Variants in MED17 observed in about 807,000 individuals in gnomAD.
MED17 encodes mediator of RNA polymerase II transcription subunit 17.
In MED17, 49 loss-of-function variants were observed where a neutral mutation model predicts 80.8. That is an observed-to-expected ratio of 0.61 (90% confidence interval 0.48 to 0.77). The LOEUF is 0.77. MED17 is among the 30% of genes least tolerant of loss of function. MED17 has a pLI of 0.00. For synonymous variants in MED17, 281 were observed against 280.4 expected (o/e 1.00, Z -0.02); for missense variants, 718 against 787.0 (o/e 0.91, Z 1.05).
rs568235455 is a variant in MED17, at chr11:93,812,130, A to G, written c.*66A>G. The G allele has an allele frequency of 1.1e-5, 15 of 1,334,680 alleles. No homozygotes were observed. The highest frequency in any genetic ancestry group is 2.1e-4 in the Middle Eastern group (1 of 4,842). The allele number at this position is 1,334,680 out of a possible 1,614,324, so 82.7% of individuals were successfully genotyped here. A position where few individuals can be genotyped will look rare whatever the true frequency, so the allele number is the denominator to read the frequency against. The stretch of plus-strand genomic sequence containing the variant: ...GACTTGAAATGTTTGCAGATCAACT[A>G]TAAGCACAAAGAAGAGATAACTTCC... On this transcript the variant is annotated 3_prime_UTR_variant, in exon 12 of 12. Coordinates refer to ENST00000251871, the MANE Select transcript of MED17 (RefSeq NM_004268.5).
Position 93,809,597 on chromosome 11 carries a change from A to G in MED17, c.1585-120A>G, listed in dbSNP as rs1175077986. On this transcript the variant is annotated intron_variant, in intron 10 of 11. Transcript: ENST00000251871. ...CGCACAGGAGGATTCCTCAGACCTAAGATAGGGTTGCTGTAGTAGTCAGTG... is the reference window on the plus strand; with the variant it reads ...CGCACAGGAGGATTCCTCAGACCTAGGATAGGGTTGCTGTAGTAGTCAGTG... The G allele has an allele frequency of 3.0e-6, 3 of 1,009,348 alleles. No homozygotes were observed. The Admixed American group carries it at 5.2e-5, about 17-fold the overall frequency. The allele number at this position is 1,009,348 out of a possible 1,614,324, so 62.5% of individuals were successfully genotyped here. A position where few individuals can be genotyped will look rare whatever the true frequency, so the allele number is the denominator to read the frequency against.
chr11:93,804,239 C>A (rs141915739), intron 9 of MED17, among the ~76,000 whole-genome samples: 1 of 152,000 alleles, frequency 6.6e-6, no homozygotes, highest in African/African-American at 2.4e-5. Flanking sequence ...GAGGCTAGGC[C>A]AGTGTCTCTT....
intron 10 of MED17, 144 bp from the exon 11 acceptor site, chr11:93,809,573 G>C: frequency 3.6e-6 from 3 of 825,100 alleles, no homozygotes; most frequent in South Asian, 1.4e-5. Context: ...CCTAAGTTAC[G>C]CACAGGAGGA....
intron 1 of MED17, 62 bp from the exon 2 acceptor site, chr11:93,787,939 C>T: frequency 7.4e-7 from 1 of 1,348,204 alleles, no homozygotes; most frequent in Non-Finnish European, 1.1e-6. Context: ...CCTAAGTGAG[C>T]TGTCTGCCAT....
intron 11 of MED17, chr11:93,811,449 T>TCA: frequency 4.8e-6 from 1 of 210,172 alleles, no homozygotes; most frequent in Non-Finnish European, 9.6e-6. Context: ...GGTGGGAGGA[T>TCA]TGCTTGAGCC....
chr11:93,799,296 C>G (rs977485665), intron 8 of MED17, among the ~76,000 whole-genome samples: 1 of 152,100 alleles, frequency 6.6e-6, no homozygotes, highest in Non-Finnish European at 1.5e-5. Context: ...CCGCCTCAGC[C>G]TCCCAAGTAT....
chr11:93,810,885 G>T (rs924766988), intron 11 of MED17: 1 of 152,222 alleles, frequency 6.6e-6, no homozygotes, highest in African/African-American at 2.4e-5. Flanking sequence ...TGAGAAATGT[G>T]TTGTTAAGAG....
In MED17 at chr11:93,788,239, C is replaced by T. The variant is rs676586; in HGVS notation, c.417+72C>T. ...CCAGGACCCTTTTTTGGCTTTGTGC[C>T]TGTTGTTCCATTTTCCTTTCTTGCA... On this transcript the variant is annotated intron_variant, in intron 2 of 11. Coordinates refer to ENST00000251871, the MANE Select transcript of MED17 (RefSeq NM_004268.5). The T allele has an allele frequency of 0.86, 1,141,173 of 1,333,866 alleles. 495,847 individuals carry two copies. The highest frequency in any genetic ancestry group is 0.89 in the Non-Finnish European group (849,855 of 956,568). The allele number at this position is 1,333,866 out of a possible 1,614,324, so 82.6% of individuals were successfully genotyped here.
Position 93,811,955 on chromosome 11 carries a change from GTCA to G in MED17, c.1850_1852del (p.His617del). On this transcript the variant is annotated inframe_deletion, in exon 12 of 12. Transcript: ENST00000251871. ...GATGTTTTACAAGATAACAAATGGA[GTCA>G]TCTTCGTGGGCCATTCAAAGAAGTT... 1 of 1,614,094 alleles carries G rather than the reference GTCA, an allele frequency of 6.2e-7. No homozygotes were observed. The highest frequency in any genetic ancestry group is 8.5e-7 in the Non-Finnish European group (1 of 1,179,994).
At chr11:93,787,180 G>A (rs1475202387) in intron 1 of MED17, among the ~76,000 whole-genome samples, 2 of 152,086 alleles carry the variant, frequency 1.3e-5, no homozygotes, top group African/African-American at 4.8e-5. Context: ...TTCGGAGGCC[G>A]GGGCAGGCAG....
At chr11:93,807,785 G>A in intron 10 of MED17, 150 bp downstream of exon 10, 1 of 697,524 alleles carries the variant, frequency 1.4e-6, no homozygotes, top group South Asian at 1.5e-5. Context: ...AATTTCTAAT[G>A]CACATTTTAC....
rs1406334398 is a variant in MED17 at position 93,811,884 on chromosome 11, T to G, written c.1776T>G (p.Ile592Met). The change falls in exon 12 of 12, where the codon ATT (isoleucine) becomes ATG (methionine). Residue 592 changes from isoleucine (I) to methionine (M), a missense_variant. Coordinates refer to ENST00000251871, the MANE Select transcript of MED17 (RefSeq NM_004268.5). ...VRNGPESGSK[I>M]MVQFPRNQCK... ...ATGGACCTGAAAGTGGCAGCAAGAT[T>G]ATGGTTCAGTTTCCTCGTAACCAAT... is the stretch of plus-strand genomic sequence containing the variant. The G allele has an allele frequency of 1.2e-6, 2 of 1,614,034 alleles. No individual in the cohort carries two copies. Among genetic ancestry groups the G allele is most frequent in the Non-Finnish European group, 1.7e-6 (2 of 1,180,016 alleles).
At chr11:93,808,952 T>C (rs552950999) in intron 10 of MED17, 1 of 153,168 alleles carries the variant, frequency 6.5e-6, no homozygotes, top group South Asian at 2.1e-4. Flanking sequence ...TTGCCCCCAT[T>C]GTATCAGTCA....
intron 10 of MED17, chr11:93,808,742 G>GA (rs1944055173): frequency 6.6e-6 from 1 of 151,872 alleles, no homozygotes; most frequent in Non-Finnish European, 1.5e-5. Context: ...ATCTAAATTG[G>GA]CTTTGGTTAC....
At chr11:93,794,345 C>A (rs1180810822) in intron 5 of MED17, 1 of 302,820 alleles carries the variant, frequency 3.3e-6, no homozygotes, top group Non-Finnish European at 6.3e-6. Flanking sequence ...GCTGGGATTA[C>A]AGGCATGCGC....
chr11:93,784,610 C>G lies in MED17; in HGVS notation c.97C>G (p.Pro33Ala). 8 of 1,601,502 alleles carry G rather than the reference C, an allele frequency of 5.0e-6. No individual in the cohort carries two copies. Among genetic ancestry groups the G allele is most frequent in the Non-Finnish European group, 6.0e-6 (7 of 1,175,332 alleles). The change falls in exon 1 of 12, where the codon CCG becomes GCG. Residue 33 changes from proline to alanine, a missense_variant. Physicochemically the swap from Pro to Ala is conservative, Grantham distance 27 (BLOSUM62 -1). Transcript: ENST00000251871. The part of the protein sequence containing the change: ...GLDGTETYLP[P>A]LSMSQNLARL... ...GGATGGCACCGAGACGTACCTGCCC[C>G]CGCTGTCCATGTCGCAGAATCTGGC...
rs771180962 is a variant in MED17, at chr11:93,787,994, T to A, written c.251-7T>A. On this transcript the variant is annotated splice_region_variant and splice_polypyrimidine_tract_variant and intron_variant, in intron 1 of 11. Coordinates refer to ENST00000251871, the MANE Select transcript of MED17 (RefSeq NM_004268.5). ...TGTATTTCTTTTTTTTCTCTCTCTCTTTTTAGGAGTGGTAAAATTTCAGCC... is the reference window on the plus strand; with the variant it reads ...TGTATTTCTTTTTTTTCTCTCTCTCATTTTAGGAGTGGTAAAATTTCAGCC... 1.2e-6 allele frequency: 2 copies of A among 1,613,188 alleles called. No homozygotes were observed. The highest frequency in any genetic ancestry group is 3.3e-5 in the Admixed American group (2 of 60,020).
rs1267468722 is a variant in MED17, at chr11:93,813,432, A to T, written c.*1368A>T. On this transcript the variant is annotated 3_prime_UTR_variant, in exon 12 of 12. Transcript: ENST00000251871. ...TGGTATGAATTTGCAGTTATTTAAA[A>T]ATCTTGAGTGCTTCAAAAATTATTG... 1 of 152,204 alleles carries T rather than the reference A, an allele frequency of 6.6e-6. No individual in the cohort carries two copies. Among genetic ancestry groups the T allele is most frequent in the Non-Finnish European group, 1.5e-5 (1 of 68,040 alleles). 9.4% of individuals were successfully genotyped at this position (152,204 alleles called of 1,614,324 possible).
At position 93,786,244 on chromosome 11, in the gene MED17, T is replaced by C. The variant is rs553835814; in HGVS notation, c.250+1481T>C. ...TAGGCCAAAGGTATCTGAAGGCTCA[T>C]AGAGGAGAGACTTCAGATACCAATA... On this transcript the variant is annotated intron_variant, in intron 1 of 11. Transcript: ENST00000251871. 2.0e-5 allele frequency among the ~76,000 whole-genome samples: 3 copies of C among 152,228 alleles called. No homozygotes were observed. In the East Asian group the frequency reaches 5.8e-4, roughly 29 times the overall value.
Sources: allele counts gnomAD v4.1 joint callset (sites outside exome capture counted in the v4.1 genomes callset), GRCh38; gene constraint gnomAD v4.1.1; transcripts MANE v1.5; gene names NCBI Gene and HGNC (gene_info 2026-07-23, HGNC 2026-07-21).